Variants in PCNX4 observed in about 807,000 individuals in gnomAD.
PCNX4 encodes the protein pecanex 4, also known as pecanex-like protein 4.
PCNX4 carries 103 observed loss-of-function variants against 107.2 expected under a neutral mutation model. The observed-to-expected ratio is 0.96, with a 90% CI of 0.82 to 1.13. PCNX4 has a LOEUF of 1.13. Among genes scored for constraint, PCNX4 ranks in the 50% most tolerant of loss-of-function variants. The probability of loss-of-function intolerance (pLI) is 0.00; values close to 1 mark genes in which losing one functional copy is unlikely to be tolerated. For missense variants in PCNX4, 1,528 were observed against 1,379.4 expected, an observed-to-expected ratio of 1.11 and a Z score of -1.71; for synonymous variants, 541 against 481.7, an observed-to-expected ratio of 1.12 and a Z score of -1.61.
In PCNX4 at chr14:60,145,055, A is replaced by G. The variant is rs762956669; in HGVS notation, c.*10834A>G. The G allele has an allele frequency of 3.7e-6, 5 of 1,360,966 alleles. No individual in the cohort carries two copies. The South Asian group carries it at 8.7e-5, about 24-fold the overall frequency. 84.3% of individuals were successfully genotyped at this position (1,360,966 alleles called of 1,614,324 possible). The stretch of plus-strand genomic sequence containing the variant: ...GAAACATGGATCAGTACCTACTCCT[A>G]TTTACTCCAGTTTTTAACATTTAAG... On this transcript the variant is annotated 3_prime_UTR_variant, in exon 11 of 11. Transcript: ENST00000406854. This position sits in a 1 kb window ranked among gnomAD's most constrained non-coding sequence, Gnocchi z 4.0.
chr14:60,104,293 T>G (rs185201654), intron 1 of PCNX4, among the ~76,000 whole-genome samples: 286 of 135,806 alleles, frequency 2.1e-3, no homozygotes, highest in African/African-American at 8.6e-3. Flanking sequence ...CACTCCAGCC[T>G]GGGTGACAGA....
intron 8 of PCNX4, among the ~76,000 whole-genome samples, chr14:60,123,957 C>A (rs1041919793): frequency 3.9e-5 from 6 of 151,966 alleles, no homozygotes; most frequent in African/African-American, 1.4e-4. Context: ...TATATTCATA[C>A]CTACTAAATT....
At chr14:60,108,416 A>G (rs561579901) in intron 2 of PCNX4, 89 bp downstream of exon 2, 1 of 979,364 alleles carries the variant, frequency 1.0e-6, no homozygotes, top group South Asian at 1.9e-5. Context: ...AAAAAAATGA[A>G]TCCATGGATT....
chr14:60,114,130 G>A (rs1219071839), intron 2 of PCNX4, among the ~76,000 whole-genome samples: 2 of 152,168 alleles, frequency 1.3e-5, no homozygotes, highest in South Asian at 2.1e-4. Flanking sequence ...GATATTAACC[G>A]TTCTAATGTT....
intron 10 of PCNX4, among the ~76,000 whole-genome samples, chr14:60,132,591 A>G (rs1157510671): frequency 6.6e-6 from 1 of 152,208 alleles, no homozygotes; most frequent in African/African-American, 2.4e-5. Context: ...GAGAAACAAA[A>G]GAAAAATAGA....
Position 60,143,826 on chromosome 14 carries a change from T to G in PCNX4, c.*9605T>G, listed in dbSNP as rs1766419140. On this transcript the variant is annotated 3_prime_UTR_variant, in exon 11 of 11. Coordinates refer to ENST00000406854, the MANE Select transcript of PCNX4 (RefSeq NM_001330177.2). ...GTGAACTGCTTGTAGATAAGGACCATGTTTTTCTTTACCTGTTACTCCTGC... is the reference window on the plus strand; with the variant it reads ...GTGAACTGCTTGTAGATAAGGACCAGGTTTTTCTTTACCTGTTACTCCTGC... 1 of 152,254 alleles carries G rather than the reference T, an allele frequency of 6.6e-6. No individual in the cohort carries two copies. The highest frequency in any genetic ancestry group is 6.5e-5 in the Admixed American group (1 of 15,280). 9.4% of individuals were successfully genotyped at this position (152,254 alleles called of 1,614,324 possible). A position where few individuals can be genotyped will look rare whatever the true frequency, so the allele number is the denominator to read the frequency against.
At position 60,104,617 on chromosome 14, in the gene PCNX4, G is replaced by A. The variant is rs544346358; in HGVS notation, c.-53-2969G>A. Reference sequence around the variant, plus strand: ...CTCACAATTTCTCATGGCTGAGGAGGCCTCATGATCATGGTGGAAGGTGAA... The same window carrying A: ...CTCACAATTTCTCATGGCTGAGGAGACCTCATGATCATGGTGGAAGGTGAA... On this transcript the variant is annotated intron_variant, in intron 1 of 10. Transcript: ENST00000406854. Among the ~76,000 whole-genome samples the A allele has an allele frequency of 6.1e-4, 93 of 152,302 alleles. 3 individuals are homozygous for A. In the South Asian group the frequency reaches 0.019, roughly 31 times the overall value.
At position 60,121,226 on chromosome 14, in the gene PCNX4, G is replaced by A. The variant is rs141610334; in HGVS notation, c.1973G>A (p.Gly658Asp). ...GLLLPGSHYL[G>D]RFQDRLMWIM... ...CTCCTACCTGGATCTCATTACTTGG[G>A]CCGTTTTCAGGATCGTTTAATGTGG... The change falls in exon 8 of 11, where the codon GGC becomes GAC. Residue 658 changes from glycine (G) to aspartate (D), a missense_variant. By Grantham distance (94) the Gly-to-Asp change is moderately conservative. Transcript: ENST00000406854. The A allele has an allele frequency of 1.9e-6, 3 of 1,606,922 alleles. No homozygotes were observed. In the East Asian group the frequency reaches 6.7e-5, roughly 36 times the overall value.
In PCNX4 at chr14:60,142,131, C is replaced by G. The variant is rs1340221091; in HGVS notation, c.*7910C>G. ...ATGATTACAAAAGGGCAAAGGGAAA[C>G]TTCTGGGGCTGATATATGTGTTTAC... On this transcript the variant is annotated 3_prime_UTR_variant, in exon 11 of 11. Coordinates refer to ENST00000406854, the MANE Select transcript of PCNX4 (RefSeq NM_001330177.2). This position sits in a 1 kb window ranked among gnomAD's most constrained non-coding sequence, Gnocchi z 4.7. The G allele has an allele frequency of 6.6e-6, 1 of 152,152 alleles. No homozygotes were observed. Among genetic ancestry groups the G allele is most frequent in the African/African-American group, 2.4e-5 (1 of 41,430 alleles). 9.4% of individuals were successfully genotyped at this position (152,152 alleles called of 1,614,324 possible).
At chr14:60,131,176 C>T (rs947581987) in intron 10 of PCNX4, among the ~76,000 whole-genome samples, 1 of 152,178 alleles carries the variant, frequency 6.6e-6, no homozygotes. Context: ...CTTTAAGTCA[C>T]CTAGTCTATG....
chr14:60,131,039 G>T (rs190676329), intron 10 of PCNX4, among the ~76,000 whole-genome samples: 300 of 136,770 alleles, frequency 2.2e-3, no homozygotes, highest in African/African-American at 9.3e-3. Context: ...CTGTCTTTCT[G>T]CTTAGAACAG....
rs1260487167 is a variant in PCNX4, at chr14:60,115,317, C to G, written c.1213C>G (p.Leu405Val). Reference protein sequence around the residue: ...LMILLIILWILREIQSVYIIG... With the variant: ...LMILLIILWIVREIQSVYIIG... ...GATATTACTTATAATACTGTGGATA[C>G]TTAGAGAAATTCAAAGCGTATATAT... is the stretch of plus-strand genomic sequence containing the variant. The change falls in exon 4 of 11, where the codon CTT (leucine) becomes GTT (valine). Residue 405 changes from leucine (L) to valine (V), a missense_variant. Coordinates refer to ENST00000406854, the MANE Select transcript of PCNX4 (RefSeq NM_001330177.2). The G allele has an allele frequency of 1.9e-6, 3 of 1,607,718 alleles. No individual in the cohort carries two copies. Among genetic ancestry groups the G allele is most frequent in the Non-Finnish European group, 2.6e-6 (3 of 1,175,626 alleles).
rs1037786738 is a variant in PCNX4 at position 60,116,012 on chromosome 14, A to T, written c.1530A>T (p.Thr510=). ...IVSTVHLISS[T]DIWWNRSLDT... The stretch of plus-strand genomic sequence containing the variant: ...CAACAGTACACTTGATCTCCAGTAC[A>T]GACATATGGTGGAACAGAAGCCTGG... Residue 510 remains threonine (T), a synonymous_variant, in exon 6 of 11, where the codon ACA becomes ACT. Coordinates refer to ENST00000406854, the MANE Select transcript of PCNX4 (RefSeq NM_001330177.2). The T allele has an allele frequency of 6.2e-7, 1 of 1,613,014 alleles. No individual in the cohort carries two copies. Among genetic ancestry groups the T allele is most frequent in the African/African-American group, 1.3e-5 (1 of 75,036 alleles).
chr14:60,136,311 C>G lies in PCNX4; in HGVS notation c.*2090C>G, dbSNP rs547059798. On this transcript the variant is annotated 3_prime_UTR_variant, in exon 11 of 11. Coordinates refer to ENST00000406854, the MANE Select transcript of PCNX4 (RefSeq NM_001330177.2). ...TGCTGCCTCTCCTCTTCTACCTGAC[C>G]TCTAAATTTTAGAATTTCTCAACAA... 6 of 152,188 alleles carry G rather than the reference C, an allele frequency of 3.9e-5. No homozygotes were observed. The South Asian group carries it at 1.0e-3, about 26-fold the overall frequency. The allele number at this position is 152,188 out of a possible 1,614,324, so 9.4% of individuals were successfully genotyped here.
rs1225471768 is a variant in PCNX4, at chr14:60,139,867, G to A, written c.*5646G>A. ...ATGAAAATTAGAATATATTTGAACT[G>A]AGTAGTGAAAGTGCTACATGTCAAA... On this transcript the variant is annotated 3_prime_UTR_variant, in exon 11 of 11. Transcript: ENST00000406854. 2.6e-5 allele frequency: 4 copies of A among 151,940 alleles called. No homozygotes were observed. The highest frequency in any genetic ancestry group is 9.7e-5 in the African/African-American group (4 of 41,380). The allele number at this position is 151,940 out of a possible 1,614,324, so 9.4% of individuals were successfully genotyped here.
rs1896287011 is a variant in PCNX4, at chr14:60,139,887, G to A, written c.*5666G>A. ...GAACTGAGTAGTGAAAGTGCTACAT[G>A]TCAAAACTTATGGTAGACGCCTAAA... On this transcript the variant is annotated 3_prime_UTR_variant, in exon 11 of 11. Transcript: ENST00000406854. The A allele has an allele frequency of 6.6e-6, 1 of 151,790 alleles. No homozygotes were observed. The highest frequency in any genetic ancestry group is 1.5e-5 in the Non-Finnish European group (1 of 67,916). The allele number at this position is 151,790 out of a possible 1,614,324, so 9.4% of individuals were successfully genotyped here.
chr14:60,113,908 T>C lies in PCNX4; in HGVS notation c.690-792T>C, dbSNP rs1595168803. Among the ~76,000 whole-genome samples, 4 of 152,350 alleles carry C rather than the reference T, an allele frequency of 2.6e-5. No individual in the cohort carries two copies. The South Asian group carries it at 8.3e-4, about 32-fold the overall frequency. On this transcript the variant is annotated intron_variant, in intron 2 of 10. Transcript: ENST00000406854. ...AATTAAATTATTTGAAGCAGTTTGA[T>C]GATGGTACATTTAACTGTTAAGTGC...
Position 60,138,952 on chromosome 14 carries a change from T to C in PCNX4, c.*4731T>C, listed in dbSNP as rs1896273127. 2 of 151,934 alleles carry C rather than the reference T, an allele frequency of 1.3e-5. No homozygotes were observed. The highest frequency in any genetic ancestry group is 4.8e-5 in the African/African-American group (2 of 41,328). The allele number at this position is 151,934 out of a possible 1,614,324, so 9.4% of individuals were successfully genotyped here. A position where few individuals can be genotyped will look rare whatever the true frequency, so the allele number is the denominator to read the frequency against. ...AAGATTAAAGTATAAATAAGACTGC[T>C]GTGTCATCTATAGGGTAACCACTAA... On this transcript the variant is annotated 3_prime_UTR_variant, in exon 11 of 11. Coordinates refer to ENST00000406854, the MANE Select transcript of PCNX4 (RefSeq NM_001330177.2).
intron 1 of PCNX4, among the ~76,000 whole-genome samples, chr14:60,093,552 A>C (rs963109987): frequency 6.6e-6 from 1 of 152,130 alleles, no homozygotes; most frequent in African/African-American, 2.4e-5. Flanking sequence ...TTATAGTCTA[A>C]TTTCATTGTG....
Sources: gnomAD v4.1 joint callset for allele counts (sites outside exome capture counted in the v4.1 genomes callset) on GRCh38, gnomAD v4.1.1 for gene constraint, Gnocchi (gnomAD v3.1) non-coding constraint, MANE v1.5 for transcripts, NCBI Gene and HGNC (gene_info 2026-07-23, HGNC 2026-07-21) for gene names.